The following KIF26B variants were observed in gnomAD, a reference collection of about 807,000 sequenced individuals.
KIF26B encodes the protein kinesin-like protein KIF26B.
KIF26B carries 63 observed loss-of-function variants against 151.2 expected under a neutral mutation model. The observed-to-expected ratio is 0.42, with a 90% CI of 0.34 to 0.51. The LOEUF is 0.51. Among genes scored for constraint, KIF26B ranks in the 20% least tolerant of loss-of-function variants. KIF26B has a pLI of 0.07. For missense variants in KIF26B, 2,813 were observed against 2,913.6 expected, an observed-to-expected ratio of 0.97 and a Z score of 0.79; for synonymous variants, 1,357 against 1,262.1, an observed-to-expected ratio of 1.08 and a Z score of -1.59.
At chr1:245,174,302 T>C (rs1450845814) in intron 2 of KIF26B, among the ~76,000 whole-genome samples, 4 of 152,150 alleles carry the variant, frequency 2.6e-5, no homozygotes, top group African/African-American at 9.7e-5. Flanking sequence ...ACTGGGTCAT[T>C]GCCACTATTT....
chr1:245,197,641 A>C (rs1669218871), intron 2 of KIF26B, among the ~76,000 whole-genome samples: 1 of 152,164 alleles, frequency 6.6e-6, no homozygotes, highest in Non-Finnish European at 1.5e-5. Flanking sequence ...TTAGTATTTG[A>C]TATAAAAATG....
chr1:245,397,475 C>T lies in KIF26B; in HGVS notation c.1000-22104C>T, dbSNP rs539346109. On this transcript the variant is annotated intron_variant, in intron 3 of 14. Coordinates refer to ENST00000407071, the MANE Select transcript of KIF26B (RefSeq NM_018012.4). The stretch of plus-strand genomic sequence containing the variant: ...AGGTGATCCACCCTCCTCCGCCTCC[C>T]AAAGTGCTGGGATTACAGGCATGAT... Among the ~76,000 whole-genome samples the T allele has an allele frequency of 2.0e-5, 3 of 152,290 alleles. No individual in the cohort carries two copies. The East Asian group carries it at 5.8e-4, about 29-fold the overall frequency.
In KIF26B at chr1:245,318,059, C is replaced by T. The variant is rs939973166; in HGVS notation, c.466-48775C>T. 4.6e-5 allele frequency among the ~76,000 whole-genome samples: 7 copies of T among 152,156 alleles called. No homozygotes were observed. The highest frequency in any genetic ancestry group is 1.4e-4 in the African/African-American group (6 of 41,428). On this transcript the variant is annotated intron_variant, in intron 2 of 14. Coordinates refer to ENST00000407071, the MANE Select transcript of KIF26B (RefSeq NM_018012.4). The surrounding 1 kb of genome is among the most constrained non-coding windows in gnomAD (Gnocchi z 4.0). ...CCTGACCTCTCTCCAGAGGCACCCT[C>T]GTTTAGAAGCATAGATGATGCAAAA...
chr1:245,593,571 T>C (rs1429125592), intron 5 of KIF26B, among the ~76,000 whole-genome samples: 2 of 152,100 alleles, frequency 1.3e-5, no homozygotes, highest in Admixed American at 6.5e-5. Flanking sequence ...CTGTCTATCA[T>C]TGATGGGCAT....
intron 3 of KIF26B, among the ~76,000 whole-genome samples, chr1:245,386,860 C>T (rs534269650): frequency 1.4e-4 from 21 of 152,176 alleles, no homozygotes; most frequent in Admixed American, 2.0e-4. Flanking sequence ...ATGCCCGCTA[C>T]GTGCCAGCGG....
In KIF26B at chr1:245,602,898, T is replaced by G; in HGVS notation, c.1557+115T>G. ...CTTCTGGAGCATTCTGATGGACCAG[T>G]TCCTTCAGGAGTCAATCTGAGCTCC... On this transcript the variant is annotated intron_variant, in intron 6 of 14. Coordinates refer to ENST00000407071, the MANE Select transcript of KIF26B (RefSeq NM_018012.4). This position sits in a 1 kb window ranked among gnomAD's most constrained non-coding sequence, Gnocchi z 4.5. 1 of 905,254 alleles carries G rather than the reference T, an allele frequency of 1.1e-6. No individual in the cohort carries two copies. The highest frequency in any genetic ancestry group is 1.8e-6 in the Non-Finnish European group (1 of 559,200). 56.1% of individuals were successfully genotyped at this position (905,254 alleles called of 1,614,324 possible).
At chr1:245,336,644 C>T (rs538951265) in intron 2 of KIF26B, among the ~76,000 whole-genome samples, 2 of 152,334 alleles carry the variant, frequency 1.3e-5, no homozygotes, top group South Asian at 2.1e-4. Context: ...CACCTGAAGC[C>T]GCCTCCAGGT....
At chr1:245,692,294 G>A (rs2044635699) in intron 12 of KIF26B, among the ~76,000 whole-genome samples, 1 of 152,156 alleles carries the variant, frequency 6.6e-6, no homozygotes, top group South Asian at 2.1e-4. Context: ...GAGAGAAAGG[G>A]TGAAAAGCGT....
At chr1:245,360,155 G>A (rs1216667230) in intron 2 of KIF26B, among the ~76,000 whole-genome samples, 1 of 151,388 alleles carries the variant, frequency 6.6e-6, no homozygotes, top group African/African-American at 2.4e-5. Context: ...TTACAGGTGT[G>A]AGCCACTGCA....
At chr1:245,399,785 T>C (rs1016189918) in intron 3 of KIF26B, among the ~76,000 whole-genome samples, 5 of 152,222 alleles carry the variant, frequency 3.3e-5, no homozygotes, top group African/African-American at 1.2e-4. Flanking sequence ...CAATATGCAT[T>C]ATTAAATATA....
At position 245,698,830 on chromosome 1, in the gene KIF26B, GT is replaced by G. The variant is rs952362878; in HGVS notation, c.6028-56del. 5 of 1,574,100 alleles carry G rather than the reference GT, an allele frequency of 3.2e-6. No homozygotes were observed. The African/African-American group carries it at 6.7e-5, about 21-fold the overall frequency. On this transcript the variant is annotated intron_variant, in intron 13 of 14. Coordinates refer to ENST00000407071, the MANE Select transcript of KIF26B (RefSeq NM_018012.4). This position sits in a 1 kb window ranked among gnomAD's most constrained non-coding sequence, Gnocchi z 4.0. ...ATCAACGATACTCACAGGTGCTCCT[GT>G]GGTGTGGGCTGGGTGTGAGCAGAAG...
chr1:245,237,456 G>A (rs1043236400), intron 2 of KIF26B, among the ~76,000 whole-genome samples: 1 of 152,088 alleles, frequency 6.6e-6, no homozygotes, highest in African/African-American at 2.4e-5. Context: ...GAAGCCTTGG[G>A]TGGGTGATGG....
In KIF26B at chr1:245,487,405, CA is replaced by C. The variant is rs778218263; in HGVS notation, c.1167-53361del. Among the ~76,000 whole-genome samples the C allele has an allele frequency of 9.7e-4, 148 of 152,238 alleles. No individual in the cohort carries two copies. The Middle Eastern group carries it at 0.017, about 17-fold the overall frequency. On this transcript the variant is annotated intron_variant, in intron 4 of 14. Transcript: ENST00000407071. ...AGCAACAGCAGAGTAGGCAACCAAG[CA>C]CAGGGCCTACGTGCTGGCCAGTACT...
At chr1:245,507,009 T>C (rs764313570) in intron 4 of KIF26B, among the ~76,000 whole-genome samples, 10 of 152,110 alleles carry the variant, frequency 6.6e-5, no homozygotes, top group Non-Finnish European at 1.2e-4. Flanking sequence ...ACCCTCAGTA[T>C]TGGTCCAGGG....
chr1:245,198,946 C>CG (rs1669240138), intron 2 of KIF26B, among the ~76,000 whole-genome samples: 3 of 31,586 alleles, frequency 9.5e-5, no homozygotes, highest in African/African-American at 2.7e-4. Context: ...GCGGCAGCGT[C>CG]GGGGGAGGCG....
chr1:245,516,377 G>C lies in KIF26B; in HGVS notation c.1167-24390G>C, dbSNP rs1247301562. On this transcript the variant is annotated intron_variant, in intron 4 of 14. Coordinates refer to ENST00000407071, the MANE Select transcript of KIF26B (RefSeq NM_018012.4). This position sits in a 1 kb window ranked among gnomAD's most constrained non-coding sequence, Gnocchi z 4.2. ...AGTCCTCATGTAGAGCCACAAGATG[G>C]CGCAGAGGATGACATGAAATCATGT... 6.6e-6 allele frequency among the ~76,000 whole-genome samples: 1 copy of C among 152,192 alleles called. No homozygotes were observed. The highest frequency in any genetic ancestry group is 2.4e-5 in the African/African-American group (1 of 41,440).
rs1422989409 is a variant in KIF26B, at chr1:245,688,039, G to C, written c.5056G>C (p.Glu1686Gln). 1.3e-6 allele frequency: 2 copies of C among 1,556,114 alleles called. No homozygotes were observed. The highest frequency in any genetic ancestry group is 2.7e-5 in the African/African-American group (2 of 73,542). Residue 1686 changes from glutamate (E) to glutamine (Q), a missense_variant, in exon 12 of 15, where the codon GAG (glutamate) becomes CAG (glutamine). Physicochemically the swap from Glu to Gln is conservative, Grantham distance 29. Around this residue, in one of 3 missense-constraint regions of KIF26B, gnomAD observed 2,060 missense variants for 2,088.6 expected, o/e 0.99. Coordinates refer to ENST00000407071, the MANE Select transcript of KIF26B (RefSeq NM_018012.4). ...CGAATGCCTCTCCCTGGAGCGGGCC[G>C]AGAGCCTGTCCTCCGTGAGCTCCCG... Reference protein sequence around the residue: ...HYECLSLERAESLSSVSSRLH... With the variant: ...HYECLSLERAQSLSSVSSRLH...
intron 10 of KIF26B, among the ~76,000 whole-genome samples, chr1:245,655,515 A>G (rs1162490773): frequency 6.6e-6 from 1 of 152,206 alleles, no homozygotes; most frequent in Non-Finnish European, 1.5e-5. Context: ...GCTGCCTGAT[A>G]CAGATACTTG....
rs2043079235 is a variant in KIF26B, at chr1:245,572,940, C to T, written c.1351-29637C>T. Among the ~76,000 whole-genome samples the T allele has an allele frequency of 6.6e-6, 1 of 152,198 alleles. No homozygotes were observed. Among genetic ancestry groups the T allele is most frequent in the African/African-American group, 2.4e-5 (1 of 41,450 alleles). On this transcript the variant is annotated intron_variant, in intron 5 of 14. Coordinates refer to ENST00000407071, the MANE Select transcript of KIF26B (RefSeq NM_018012.4). The surrounding 1 kb of genome is among the most constrained non-coding windows in gnomAD (Gnocchi z 4.2). ...ACCTCCTCCTGCCACCTGCTCTGAA[C>T]AGATTCTGTAGCGTAAAATTCTTTA...
Sources: gnomAD v4.1 joint callset for allele counts (sites outside exome capture counted in the v4.1 genomes callset) on GRCh38, gnomAD v4.1.1 for gene constraint, gnomAD v4.1.1 regional missense constraint, Gnocchi (gnomAD v3.1) non-coding constraint, MANE v1.5 for transcripts, NCBI Gene and HGNC (gene_info 2026-07-23, HGNC 2026-07-21) for gene names.